Variants in VDR observed in about 807,000 individuals in gnomAD.
VDR encodes vitamin D receptor, also known as vitamin D3 receptor.
VDR carries 19 observed loss-of-function variants against 39.7 expected under a neutral mutation model. The observed-to-expected ratio is 0.48, with a 90% CI of 0.33 to 0.70. The LOEUF is 0.70. Among genes scored for constraint, VDR ranks in the 30% least tolerant of loss-of-function variants. The probability of loss-of-function intolerance (pLI) is 0.02; values close to 1 mark genes in which losing one functional copy is unlikely to be tolerated. For synonymous variants in VDR, 242 were observed against 215.8 expected (o/e 1.12, Z -1.07); for missense variants, 442 against 570.5 (o/e 0.77, Z 2.29).
At chr12:47,874,245 G>A (rs1945953979) in intron 3 of VDR, among the ~76,000 whole-genome samples, 1 of 152,112 alleles carries the variant, frequency 6.6e-6, no homozygotes, top group Admixed American at 6.5e-5. Context: ...CTGCCAAAGT[G>A]GACCTGGACA....
rs950357348 is a variant in VDR, at chr12:47,869,493, G to A, written c.147-4316C>T. On this transcript the variant is annotated intron_variant, in intron 3 of 9. Coordinates refer to ENST00000549336, the MANE Select transcript of VDR (RefSeq NM_000376.3). ...GGAGCTTGCAGTGAGCTGAGATCGT[G>A]CCACTACACTTCAGCCTGGGGGACA... Among the ~76,000 whole-genome samples the A allele has an allele frequency of 3.0e-5, 4 of 133,174 alleles. 1 individual carries two copies. Among genetic ancestry groups the A allele is most frequent in the Non-Finnish European group, 6.2e-5 (4 of 64,708 alleles). The allele number at this position is 133,174 out of a possible 152,430, so 87.4% of individuals were successfully genotyped here. A position where few individuals can be genotyped will look rare whatever the true frequency, so the allele number is the denominator to read the frequency against.
At chr12:47,893,397 A>G (rs544802408) in intron 1 of VDR, among the ~76,000 whole-genome samples, 4 of 152,158 alleles carry the variant, frequency 2.6e-5, no homozygotes, top group East Asian at 1.9e-4. Context: ...GAAGAATAGG[A>G]CCATCAGTAG....
intron 2 of VDR, among the ~76,000 whole-genome samples, chr12:47,879,674 C>T (rs1027366174): frequency 6.6e-6 from 1 of 152,156 alleles, no homozygotes; most frequent in African/African-American, 2.4e-5. Context: ...CATTCCAGCC[C>T]CAGCTCCTCA....
rs913350164 is a variant in VDR, at chr12:47,849,160, C to T, written c.756-2352G>A. Among the ~76,000 whole-genome samples the T allele has an allele frequency of 9.2e-5, 14 of 152,136 alleles. 1 individual carries two copies. The highest frequency in any genetic ancestry group is 7.2e-4 in the Admixed American group (11 of 15,280). On this transcript the variant is annotated intron_variant, in intron 7 of 9. Transcript: ENST00000549336. ...ATATCCTGCAGATAGGCTGTCACCC[C>T]GTCAATGGCTGCATGTTTATATATA...
chr12:47,904,431 G>A lies in VDR; in HGVS notation c.-84+524C>T, dbSNP rs1592163464. ...TCCTGAAAAAAAATAGGGCCAATTA[G>A]GTCTAAACTCATTGGTAGTTCAAAG... On this transcript the variant is annotated intron_variant, in intron 1 of 9. Coordinates refer to ENST00000549336, the MANE Select transcript of VDR (RefSeq NM_000376.3). The A allele has an allele frequency of 1.3e-5, 8 of 636,392 alleles. No homozygotes were observed. The South Asian group carries it at 2.3e-4, about 18-fold the overall frequency. The allele number at this position is 636,392 out of a possible 1,614,324, so 39.4% of individuals were successfully genotyped here.
intron 7 of VDR, among the ~76,000 whole-genome samples, chr12:47,849,620 C>T (rs1945345820): frequency 6.6e-6 from 1 of 152,212 alleles, no homozygotes; most frequent in Non-Finnish European, 1.5e-5. Context: ...AGTCTAATGA[C>T]ACAATGTCTA....
intron 3 of VDR, among the ~76,000 whole-genome samples, chr12:47,869,559 A>AAT (rs1945810253): frequency 7.3e-6 from 1 of 136,344 alleles, no homozygotes; most frequent in Non-Finnish European, 1.6e-5. Flanking sequence ...AAAAAAAAAA[A>AAT]GGAATAGGAA....
At chr12:47,854,590 A>G (rs1486375872) in intron 7 of VDR, among the ~76,000 whole-genome samples, 3 of 152,210 alleles carry the variant, frequency 2.0e-5, no homozygotes, top group Non-Finnish European at 4.4e-5. Flanking sequence ...GAGGAATCAT[A>G]TCGTTGAATT....
At chr12:47,904,332 GA>G (rs1771062654) in intron 1 of VDR, among the ~76,000 whole-genome samples, 1 of 151,718 alleles carries the variant, frequency 6.6e-6, no homozygotes, top group South Asian at 2.1e-4. Context: ...TTTTCAAACA[GA>G]AACTACTCCT....
intron 3 of VDR, among the ~76,000 whole-genome samples, chr12:47,869,019 T>A (rs528100624): frequency 1.3e-5 from 2 of 152,304 alleles, no homozygotes; most frequent in South Asian, 4.1e-4. Context: ...AGAGGCCCCG[T>A]CTGTCCTTCC....
chr12:47,852,425 G>A (rs1305753542), intron 7 of VDR, among the ~76,000 whole-genome samples: 6 of 152,330 alleles, frequency 3.9e-5, no homozygotes, highest in South Asian at 2.1e-4. Context: ...TGTGCTCTAC[G>A]GAATGTGTTG....
rs145262586 is a variant in VDR, at chr12:47,880,123, A to C, written c.-2-1008T>G. On this transcript the variant is annotated intron_variant, in intron 2 of 9. Coordinates refer to ENST00000549336, the MANE Select transcript of VDR (RefSeq NM_000376.3). Reference sequence around the variant, plus strand: ...ACTGCCTCCCAGTTCTCCCAATTTTATCTGAATCCTCAAAAGGGTCATTAC... The same window carrying C: ...ACTGCCTCCCAGTTCTCCCAATTTTCTCTGAATCCTCAAAAGGGTCATTAC... Among the ~76,000 whole-genome samples, 115 of 152,198 alleles carry C rather than the reference A, an allele frequency of 7.6e-4. No homozygotes were observed. In the Middle Eastern group the frequency reaches 0.01, roughly 14 times the overall value.
chr12:47,880,176 G>T (rs1946116725), intron 2 of VDR, among the ~76,000 whole-genome samples: 1 of 152,078 alleles, frequency 6.6e-6, no homozygotes, highest in Non-Finnish European at 1.5e-5. Context: ...TTGACCCTAG[G>T]CAAAGGGTCC....
In VDR at chr12:47,884,569, A is replaced by C. The variant is rs570183058; in HGVS notation, c.-83-1795T>G. Among the ~76,000 whole-genome samples the C allele has an allele frequency of 3.3e-5, 5 of 152,230 alleles. No homozygotes were observed. The East Asian group carries it at 7.7e-4, about 24-fold the overall frequency. ...GTGTCCTCACTCACTTCACTCTCAT[A>C]AGAGCCTCCTCCAGTGGGTACTTTA... On this transcript the variant is annotated intron_variant, in intron 1 of 9. Coordinates refer to ENST00000549336, the MANE Select transcript of VDR (RefSeq NM_000376.3).
chr12:47,899,446 T>C (rs1946520016), intron 1 of VDR, among the ~76,000 whole-genome samples: 1 of 152,212 alleles, frequency 6.6e-6, no homozygotes, highest in Non-Finnish European at 1.5e-5. Flanking sequence ...AGTTTACAGG[T>C]AAGGACACTG....
chr12:47,875,260 A>G (rs980700262), intron 3 of VDR, among the ~76,000 whole-genome samples: 3 of 152,190 alleles, frequency 2.0e-5, no homozygotes, highest in African/African-American at 7.2e-5. Flanking sequence ...CAAACCAAAT[A>G]CTAAATGGTC....
intron 7 of VDR, among the ~76,000 whole-genome samples, chr12:47,853,303 C>T (rs1945422437): frequency 1.3e-5 from 2 of 151,878 alleles, no homozygotes; most frequent in African/African-American, 2.4e-5. Context: ...ATTAGCCGGG[C>T]GTAGTGGCGG....
In VDR at chr12:47,841,930, C is replaced by T. The variant is rs1945178911; in HGVS notation, c.*2816G>A. ...TTTACAAATGTCTATTTCACACTCT[C>T]ATTCTAAAGTAGAATCGATGATGAC... On this transcript the variant is annotated 3_prime_UTR_variant, in exon 10 of 10. Transcript: ENST00000549336. The T allele has an allele frequency of 6.6e-6, 1 of 152,340 alleles. No individual in the cohort carries two copies. Among genetic ancestry groups the T allele is most frequent in the Admixed American group, 6.5e-5 (1 of 15,284 alleles). 9.4% of individuals were successfully genotyped at this position (152,340 alleles called of 1,614,324 possible).
rs17878969 is a variant in VDR at position 47,842,623 on chromosome 12, A to ATTTTTTTTTTTT, written c.*2111_*2122dup. 3 of 131,072 alleles carry ATTTTTTTTTTTT rather than the reference A, an allele frequency of 2.3e-5. No individual in the cohort carries two copies. The highest frequency in any genetic ancestry group is 5.9e-5 in the African/African-American group (2 of 33,822). 8.1% of individuals were successfully genotyped at this position (131,072 alleles called of 1,614,324 possible). ...CAGGCTTGCGCCACCATGCCCGGCTATTTTTTTTTTTTTTTTTTTTGTATT... is the reference window on the plus strand; with the variant it reads ...CAGGCTTGCGCCACCATGCCCGGCTATTTTTTTTTTTTTTTTTTTTTTTTTTTTTTTTGTATT... On this transcript the variant is annotated 3_prime_UTR_variant, in exon 10 of 10. Transcript: ENST00000549336.
Sources: allele counts gnomAD v4.1 joint callset (sites outside exome capture counted in the v4.1 genomes callset), GRCh38; gene constraint gnomAD v4.1.1; transcripts MANE v1.5; gene names NCBI Gene and HGNC (gene_info 2026-07-23, HGNC 2026-07-21).